FHIP2B: variants seen among roughly 807,000 people sequenced by gnomAD.
FHIP2B encodes the protein FHF complex subunit HOOK-interacting protein 2B.
FHIP2B carries 72 observed loss-of-function variants against 84.0 expected under a neutral mutation model. The observed-to-expected ratio is 0.86, with a 90% CI of 0.71 to 1.04. The LOEUF is 1.04. Ranked by LOEUF, FHIP2B falls within the 50% of genes least tolerant of loss-of-function variation. The probability of loss-of-function intolerance (pLI) is 0.00; values close to 1 mark genes in which losing one functional copy is unlikely to be tolerated. For missense variants in FHIP2B, 972 were observed against 968.9 expected (o/e 1.00, Z -0.04); for synonymous variants, 497 against 418.7 (o/e 1.19, Z -2.28).
chr8:22,096,353 CA>C lies in FHIP2B; in HGVS notation c.143del (p.Lys48ArgfsTer9), dbSNP rs1230664423. Reference sequence around the variant, plus strand: ...CATCATTAGATGAAAGCACCCCCGCCAAGAAGACAGACATTCCCTGGCGGCT... The same window carrying C: ...CATCATTAGATGAAAGCACCCCCGCCAGAAGACAGACATTCCCTGGCGGCT... ...IESTDESTPA[K>X]KTDIPWRLKQ... On this transcript the variant is annotated frameshift_variant, in exon 3 of 17. Transcript: ENST00000289921. LOFTEE classifies it high-confidence loss of function. The C allele has an allele frequency of 5.1e-6, 8 of 1,559,776 alleles. No homozygotes were observed. The highest frequency in any genetic ancestry group is 6.1e-6 in the Non-Finnish European group (7 of 1,152,016).
At chr8:22,089,369 CGG>C in intron 1 of FHIP2B, 71 bp downstream of exon 1, 1 of 915,904 alleles carries the variant, frequency 1.1e-6, no homozygotes, top group Non-Finnish European at 1.3e-6. Flanking sequence ...GGCGCGGAGC[CGG>C]GCGCGGCCCG....
At chr8:22,099,239 G>A (rs1825964615) in intron 8 of FHIP2B, 45 bp from the exon 9 acceptor site, 1 of 1,605,476 alleles carries the variant, frequency 6.2e-7, no homozygotes, top group African/African-American at 1.3e-5. Context: ...TTCTCAGCTG[G>A]AATTGTAATG....
At chr8:22,094,823 C>T in intron 2 of FHIP2B, 1 of 1,210,954 alleles carries the variant, frequency 8.3e-7, no homozygotes, top group South Asian at 2.0e-5. Context: ...GCACTTCCCC[C>T]AGCTTCCAGC....
chr8:22,094,693 A>C, intron 2 of FHIP2B, 175 bp downstream of exon 2: 2 of 1,431,454 alleles, frequency 1.4e-6, no homozygotes, highest in East Asian at 2.9e-5. Flanking sequence ...GCCCTGGGCC[A>C]CTCCACTCCT....
chr8:22,091,977 C>G (rs1047652236), intron 1 of FHIP2B, among the ~76,000 whole-genome samples: 1 of 152,198 alleles, frequency 6.6e-6, no homozygotes, highest in African/African-American at 2.4e-5. Flanking sequence ...GGGAGCTCAT[C>G]ATCTAGCAGA....
At chr8:22,090,048 T>C (rs1301651791) in intron 1 of FHIP2B, among the ~76,000 whole-genome samples, 1 of 150,962 alleles carries the variant, frequency 6.6e-6, no homozygotes, top group Non-Finnish European at 1.5e-5. Context: ...GTTTGTGTTT[T>C]TGCCATTTTT....
At chr8:22,100,391 T>G in intron 10 of FHIP2B, 1 of 477,924 alleles carries the variant, frequency 2.1e-6, no homozygotes, top group Non-Finnish European at 3.5e-6. Context: ...CACATCAAAT[T>G]AGTCACATAC....
chr8:22,101,013 T>C, intron 12 of FHIP2B, 41 bp downstream of exon 12: 2 of 1,558,056 alleles, frequency 1.3e-6, no homozygotes, highest in Middle Eastern at 3.4e-4. Flanking sequence ...TTGAGTTTTA[T>C]TTTATTTTAT....
In FHIP2B at chr8:22,102,291, G is replaced by A. The variant is rs753829661; in HGVS notation, c.1968G>A (p.Arg656=). ...ACATCAGCCTGGCCCCCGGCTGCAG[G>A]AGCCTATTCTCCGTGTTGGTGAGGG... ...DPYISLAPGC[R]SLFSVLVRVI... is the part of the protein sequence containing the mutation. The change falls in exon 15 of 17, where the codon AGG becomes AGA. Residue 656 remains arginine, a synonymous_variant. Coordinates refer to ENST00000289921, the MANE Select transcript of FHIP2B (RefSeq NM_022749.7). The A allele has an allele frequency of 6.2e-7, 1 of 1,612,928 alleles. No homozygotes were observed. Among genetic ancestry groups the A allele is most frequent in the Non-Finnish European group, 8.5e-7 (1 of 1,179,874 alleles).
At chr8:22,089,643 G>A (rs1825364099) in intron 1 of FHIP2B, 4 of 531,560 alleles carry the variant, frequency 7.5e-6, no homozygotes, top group Non-Finnish European at 8.8e-6. Context: ...CTGCCCCCCG[G>A]GGCCCTAGGC....
intron 1 of FHIP2B, among the ~76,000 whole-genome samples, chr8:22,092,029 G>T (rs1193013618): frequency 6.6e-6 from 1 of 152,240 alleles, no homozygotes; most frequent in African/African-American, 2.4e-5. Flanking sequence ...CACATAGAAT[G>T]TAGTGAGATG....
intron 1 of FHIP2B, among the ~76,000 whole-genome samples, chr8:22,093,633 G>A (rs1195122916): frequency 1.3e-5 from 2 of 149,580 alleles, no homozygotes; most frequent in South Asian, 2.1e-4. Context: ...CTACCCTTCC[G>A]GCTGAACAGA....
chr8:22,100,064 C>G (rs1826020127), intron 10 of FHIP2B, 171 bp downstream of exon 10: 2 of 487,170 alleles, frequency 4.1e-6, no homozygotes, highest in Non-Finnish European at 6.8e-6. Flanking sequence ...TGATCATATA[C>G]TTTTTTTTTT....
rs780310659 is a variant in FHIP2B, at chr8:22,098,310, G to A, written c.768G>A (p.Lys256=). 6.5e-7 allele frequency: 1 copy of A among 1,549,500 alleles called. No homozygotes were observed. Among genetic ancestry groups the A allele is most frequent in the Non-Finnish European group, 8.7e-7 (1 of 1,146,210 alleles). ...ITSLLGLCQS[K]KSRVALKAQE... is the part of the protein sequence containing the mutation. ...CCCTGCTTGGGCTGTGCCAGAGCAA[G>A]GTGCTGGCAGCAGAGATGGAGAGGT... Residue 256 remains lysine, a splice_region_variant and synonymous_variant, in exon 6 of 17, where the codon AAG becomes AAA. Transcript: ENST00000289921.
In FHIP2B at chr8:22,102,890, C is replaced by T. The variant is rs1826208033; in HGVS notation, c.2191C>T (p.Pro731Ser). The T allele has an allele frequency of 6.2e-7, 1 of 1,613,720 alleles. No homozygotes were observed. The highest frequency in any genetic ancestry group is 8.5e-7 in the Non-Finnish European group (1 of 1,179,838). Residue 731 changes from proline to serine, a missense_variant, in exon 17 of 17, where the codon CCT (proline) becomes TCT (serine). Transcript: ENST00000289921. Reference sequence around the variant, plus strand: ...CTTCGTCAAGTTTCCCCCACATGATCCTCGCCAGAACGTCTCCCCAGCCCC... The same window carrying T: ...CTTCGTCAAGTTTCCCCCACATGATTCTCGCCAGAACGTCTCCCCAGCCCC... ...IAFVKFPPHD[P>S]RQNVSPAPEG...
intron 10 of FHIP2B, 148 bp from the exon 11 acceptor site, chr8:22,100,446 A>C (rs1214075820): frequency 9.8e-6 from 8 of 820,146 alleles, no homozygotes; most frequent in Admixed American, 4.0e-5. Context: ...ACACCCCCCA[A>C]CTACCCCCAA....
At chr8:22,099,464 C>A (rs28429870) in intron 9 of FHIP2B, 104 bp downstream of exon 9, 1 of 1,290,400 alleles carries the variant, frequency 7.7e-7, no homozygotes, top group South Asian at 1.4e-5. Context: ...TGACCAGAAT[C>A]CCATTTGTGG....
chr8:22,098,864 G>C (rs1001176187), intron 7 of FHIP2B, 84 bp from the exon 8 acceptor site: 45 of 1,218,236 alleles, frequency 3.7e-5, no homozygotes, highest in East Asian at 7.7e-5. Context: ...CAGGAGAGGG[G>C]AAGGGCCCAG....
rs1476649954 is a variant in FHIP2B, at chr8:22,099,738, C to T, written c.1186C>T (p.Leu396Phe). 9 of 1,603,512 alleles carry T rather than the reference C, an allele frequency of 5.6e-6. No homozygotes were observed. Among genetic ancestry groups the T allele is most frequent in the Non-Finnish European group, 6.8e-6 (8 of 1,177,440 alleles). ...GAGCATCTTGACCTCCACCGCCCTC[C>T]TCACAGCCATGCTGCGCCAGCTTCG... ...EQSILTSTAL[L>F]TAMLRQLRSP... Residue 396 changes from leucine (L) to phenylalanine (F), a missense_variant, in exon 10 of 17, where the codon CTC (leucine) becomes TTC (phenylalanine). Coordinates refer to ENST00000289921, the MANE Select transcript of FHIP2B (RefSeq NM_022749.7).
Sources: gnomAD v4.1 joint callset for allele counts (sites outside exome capture counted in the v4.1 genomes callset) on GRCh38, gnomAD v4.1.1 for gene constraint, MANE v1.5 for transcripts, NCBI Gene and HGNC (gene_info 2026-07-23, HGNC 2026-07-21) for gene names.